Variants in PBX3 observed in about 807,000 individuals in gnomAD.
PBX3 encodes the protein pre-B-cell leukemia transcription factor 3.
PBX3 carries 14 observed loss-of-function variants against 48.5 expected under a neutral mutation model. That is an observed-to-expected ratio of 0.29 (90% CI 0.19 to 0.45). The LOEUF is 0.45. PBX3 is among the 20% of genes least tolerant of loss of function. The probability of loss-of-function intolerance (pLI) is 1.00; values close to 1 mark genes in which losing one functional copy is unlikely to be tolerated. For missense variants in PBX3, 386 were observed against 546.7 expected, an observed-to-expected ratio of 0.71 and a Z score of 2.93; for synonymous variants, 210 against 200.3, an observed-to-expected ratio of 1.05 and a Z score of -0.41.
At chr9:125,944,491 AACAG>A (rs1341124282) in intron 5 of PBX3, among the ~76,000 whole-genome samples, 1 of 152,172 alleles carries the variant, frequency 6.6e-6, no homozygotes, top group Non-Finnish European at 1.5e-5. Flanking sequence ...TGTTGGGGGA[AACAG>A]ACAGATGTGT....
intron 2 of PBX3, among the ~76,000 whole-genome samples, chr9:125,860,725 T>G (rs575480294): frequency 5.2e-4 from 79 of 151,638 alleles, no homozygotes; most frequent in Middle Eastern, 3.4e-3. Context: ...ACCCTGTCTC[T>G]ACTAAAAATG....
intron 2 of PBX3, among the ~76,000 whole-genome samples, chr9:125,882,794 G>A (rs1840411653): frequency 6.6e-6 from 1 of 152,156 alleles, no homozygotes; most frequent in Non-Finnish European, 1.5e-5. Context: ...AGTTATTCAA[G>A]CAGTGTATTT....
chr9:125,788,436 A>G (rs776814019), intron 2 of PBX3, among the ~76,000 whole-genome samples: 1 of 152,238 alleles, frequency 6.6e-6, no homozygotes, highest in African/African-American at 2.4e-5. Flanking sequence ...CAGAACTTCT[A>G]CTTACATTTA....
chr9:125,920,394 TAAG>T (rs1841432482), intron 3 of PBX3, among the ~76,000 whole-genome samples: 1 of 152,206 alleles, frequency 6.6e-6, no homozygotes, highest in Non-Finnish European at 1.5e-5. Flanking sequence ...GCCTTATTTT[TAAG>T]AAGTAAAGGC....
chr9:125,748,735 C>T (rs538430704), intron 2 of PBX3, 112 bp downstream of exon 2: 27 of 711,640 alleles, frequency 3.8e-5, no homozygotes, highest in African/African-American at 3.7e-4. Context: ...CATCTTTGAT[C>T]ATTCTCTCCT....
chr9:125,797,975 A>G (rs1837833593), intron 2 of PBX3, among the ~76,000 whole-genome samples: 1 of 152,134 alleles, frequency 6.6e-6, no homozygotes. Flanking sequence ...GAGAAATAGC[A>G]ACCGGTTTCA....
At chr9:125,809,520 T>C (rs1335795407) in intron 2 of PBX3, among the ~76,000 whole-genome samples, 1 of 152,122 alleles carries the variant, frequency 6.6e-6, no homozygotes, top group African/African-American at 2.4e-5. Flanking sequence ...CAGTTGTACT[T>C]CTGAGGATAG....
At chr9:125,774,257 G>A (rs1837015615) in intron 2 of PBX3, among the ~76,000 whole-genome samples, 1 of 152,170 alleles carries the variant, frequency 6.6e-6, no homozygotes, top group Non-Finnish European at 1.5e-5. Flanking sequence ...GCACTAGGGG[G>A]ATGGTGCTAA....
rs368531844 is a variant in PBX3 at position 125,855,230 on chromosome 9, A to C, written c.275-60456A>C. 7.9e-4 allele frequency among the ~76,000 whole-genome samples: 121 copies of C among 152,304 alleles called. No homozygotes were observed. In the South Asian group the frequency reaches 0.012, roughly 15 times the overall value. On this transcript the variant is annotated intron_variant, in intron 2 of 8. Coordinates refer to ENST00000373489, the MANE Select transcript of PBX3 (RefSeq NM_006195.6). ...ATCAACTTCAGTTTCATTTTAGTTG[A>C]GAATCAGTCCAAGAATGAATAACTG...
chr9:125,951,378 G>T (rs1842193047), intron 5 of PBX3, among the ~76,000 whole-genome samples: 1 of 152,134 alleles, frequency 6.6e-6, no homozygotes, highest in Non-Finnish European at 1.5e-5. Context: ...GTATGCAGGA[G>T]TTCACCTCCT....
rs374738745 is a variant in PBX3 at position 125,966,685 on chromosome 9, G to C, written c.*762G>C. 67 of 152,782 alleles carry C rather than the reference G, an allele frequency of 4.4e-4. No homozygotes were observed. Among genetic ancestry groups the C allele is most frequent in the African/African-American group, 1.6e-3 (66 of 41,568 alleles). 9.5% of individuals were successfully genotyped at this position (152,782 alleles called of 1,614,324 possible). On this transcript the variant is annotated 3_prime_UTR_variant, in exon 9 of 9. Transcript: ENST00000373489. Reference sequence around the variant, plus strand: ...GGTTTGCTACGTCCTCTGGGCATCTGCAAAAGGCCCTGCTCTCTGGAGTGT... The same window carrying C: ...GGTTTGCTACGTCCTCTGGGCATCTCCAAAAGGCCCTGCTCTCTGGAGTGT...
chr9:125,928,392 ATGTGTGTGTG>A (rs112869741), intron 3 of PBX3, among the ~76,000 whole-genome samples: 8 of 140,284 alleles, frequency 5.7e-5, no homozygotes, highest in African/African-American at 1.9e-4. Flanking sequence ...GGGGAAACAA[ATGTGTGTGTG>A]TGTGTGTGTG....
At chr9:125,798,029 T>G (rs1401141577) in intron 2 of PBX3, among the ~76,000 whole-genome samples, 1 of 152,282 alleles carries the variant, frequency 6.6e-6, no homozygotes, top group East Asian at 1.9e-4. Flanking sequence ...CAATGTGGCT[T>G]TTTACAATGC....
chr9:125,791,301 G>GTCTGTCTATCTATCTATCTA (rs1179896723), intron 2 of PBX3, among the ~76,000 whole-genome samples: 89 of 109,012 alleles, frequency 8.2e-4, no homozygotes, highest in East Asian at 1.8e-3. Flanking sequence ...CTGTCTGTCT[G>GTCTGTCTATCTATCTATCTA]TCTATCTATC....
intron 5 of PBX3, among the ~76,000 whole-genome samples, chr9:125,954,218 A>G (rs1842253990): frequency 6.6e-6 from 1 of 152,182 alleles, no homozygotes; most frequent in Non-Finnish European, 1.5e-5. Flanking sequence ...CCAATTAAGA[A>G]ATGCATGTAT....
intron 2 of PBX3, among the ~76,000 whole-genome samples, chr9:125,781,485 G>A (rs933558670): frequency 3.1e-4 from 47 of 149,886 alleles, no homozygotes; most frequent in African/African-American, 1.0e-3. Context: ...GTCCAGCTTC[G>A]GCTAGGCATC....
intron 2 of PBX3, among the ~76,000 whole-genome samples, chr9:125,804,717 T>A (rs1344249126): frequency 1.3e-5 from 2 of 152,004 alleles, no homozygotes; most frequent in Admixed American, 1.3e-4. Context: ...GGCAGGTGGA[T>A]CACCTGAGAT....
At chr9:125,770,969 C>A (rs1378432950) in intron 2 of PBX3, among the ~76,000 whole-genome samples, 1 of 152,128 alleles carries the variant, frequency 6.6e-6, no homozygotes. Context: ...TAATACCAGC[C>A]TCACATTTGA....
intron 2 of PBX3, among the ~76,000 whole-genome samples, chr9:125,789,280 A>G (rs573233339): frequency 6.6e-6 from 1 of 152,336 alleles, no homozygotes; most frequent in Non-Finnish European, 1.5e-5. Flanking sequence ...GCAAACATTT[A>G]TCATCTCATG....
Sources: allele counts gnomAD v4.1 joint callset (sites outside exome capture counted in the v4.1 genomes callset), GRCh38; gene constraint gnomAD v4.1.1; transcripts MANE v1.5; gene names NCBI Gene and HGNC (gene_info 2026-07-23, HGNC 2026-07-21).